Variants in LRP12 observed in about 807,000 individuals in gnomAD.
The protein encoded by LRP12 is low-density lipoprotein receptor-related protein 12.
In LRP12, 14 loss-of-function variants were observed where a neutral mutation model predicts 66.0. The observed-to-expected ratio is 0.21, with a 90% confidence interval of 0.14 to 0.33. The LOEUF is 0.33. LRP12 is among the 10% of genes least tolerant of loss of function. The probability of loss-of-function intolerance (pLI) is 1.00; values close to 1 mark genes in which losing one functional copy is unlikely to be tolerated. For missense variants in LRP12, 889 were observed against 1,053.4 expected, an observed-to-expected ratio of 0.84 and a Z score of 2.16; for synonymous variants, 357 against 359.1, an observed-to-expected ratio of 0.99 and a Z score of 0.07.
At chr8:104,510,952 G>A (rs1207545158) in intron 2 of LRP12, among the ~76,000 whole-genome samples, 1 of 148,450 alleles carries the variant, frequency 6.7e-6, no homozygotes, top group African/African-American at 2.5e-5. Context: ...TGCTTTTTAA[G>A]TTCTGCTGTA....
At chr8:104,513,705 T>G (rs1275277167) in intron 2 of LRP12, among the ~76,000 whole-genome samples, 2 of 152,166 alleles carry the variant, frequency 1.3e-5, no homozygotes, top group Non-Finnish European at 2.9e-5. Flanking sequence ...AACTCTATTC[T>G]GTGTTAATTT....
At chr8:104,507,814 A>G (rs1310403806) in intron 3 of LRP12, 1 of 152,170 alleles carries the variant, frequency 6.6e-6, no homozygotes, top group East Asian at 1.9e-4. Context: ...AAATAAAAGG[A>G]AAACAAACTA....
intron 1 of LRP12, among the ~76,000 whole-genome samples, chr8:104,548,366 TAAATATATTATATA>T: frequency 3.7e-5 from 3 of 80,612 alleles, no homozygotes; most frequent in African/African-American, 2.1e-4. Context: ...ATATATTATA[TAAATATATTATATA>T]AATATATAAT....
At chr8:104,536,311 C>T (rs920311814) in intron 1 of LRP12, among the ~76,000 whole-genome samples, 1 of 152,034 alleles carries the variant, frequency 6.6e-6, no homozygotes, top group African/African-American at 2.4e-5. Context: ...TCTCTTGATT[C>T]TCCCATACTA....
At chr8:104,533,693 T>C (rs1200060242) in intron 1 of LRP12, among the ~76,000 whole-genome samples, 2 of 152,016 alleles carry the variant, frequency 1.3e-5, no homozygotes, top group Non-Finnish European at 2.9e-5. Context: ...TTTACTTTTT[T>C]AAAAAAGAGA....
chr8:104,499,378 C>A lies in LRP12; in HGVS notation c.414G>T (p.Trp138Cys). The A allele has an allele frequency of 6.2e-7, 1 of 1,613,816 alleles. No individual in the cohort carries two copies. Among genetic ancestry groups the A allele is most frequent in the Non-Finnish European group, 8.5e-7 (1 of 1,179,838 alleles). Reference sequence around the variant, plus strand: ...TGTTGTCATCCGAATGAAACCTAATCCAGATGTGGTCTTGTGAAGAGATAT... The same window carrying A: ...TGTTGTCATCCGAATGAAACCTAATACAGATGTGGTCTTGTGAAGAGATAT... ...PPYISSQDHI[W>C]IRFHSDDNIS... is the part of the protein sequence containing the mutation. The change falls in exon 4 of 7, where the codon TGG becomes TGT. Residue 138 changes from tryptophan (W) to cysteine (C), a missense_variant. This residue lies in a region of LRP12 where 800 missense variants were observed against 964.5 expected (regional missense o/e 0.83). Transcript: ENST00000276654.
intron 1 of LRP12, among the ~76,000 whole-genome samples, chr8:104,547,555 T>C (rs1290372633): frequency 7.8e-6 from 1 of 127,626 alleles, no homozygotes; most frequent in African/African-American, 2.9e-5. Flanking sequence ...TATAATTACA[T>C]ATTATATATT....
chr8:104,526,232 A>G lies in LRP12; in HGVS notation c.136+5675T>C, dbSNP rs866190683. Among the ~76,000 whole-genome samples, 502 of 152,122 alleles carry G rather than the reference A, an allele frequency of 3.3e-3. 3 individuals are homozygous for G. Among genetic ancestry groups the G allele is most frequent in the African/African-American group, 0.011 (459 of 41,490 alleles). ...CCATGCTCATGGGTAGGAAGAATCA[A>G]TATCATGAAAATGGCCATACTGCCC... is the stretch of plus-strand genomic sequence containing the variant. On this transcript the variant is annotated intron_variant, in intron 2 of 6. Coordinates refer to ENST00000276654, the MANE Select transcript of LRP12 (RefSeq NM_013437.5).
intron 3 of LRP12, among the ~76,000 whole-genome samples, chr8:104,503,971 A>T (rs1020158164): frequency 2.0e-5 from 3 of 152,136 alleles, no homozygotes; most frequent in African/African-American, 7.2e-5. Context: ...TACCAGGTTA[A>T]GGAAATTCCT....
At chr8:104,547,356 T>C (rs1038019821) in intron 1 of LRP12, among the ~76,000 whole-genome samples, 2 of 115,138 alleles carry the variant, frequency 1.7e-5, no homozygotes, top group Non-Finnish European at 3.5e-5. Context: ...CTGTTATATT[T>C]TGTATATAAT....
At chr8:104,588,223 T>C (rs1352074040) in intron 1 of LRP12, among the ~76,000 whole-genome samples, 1 of 152,192 alleles carries the variant, frequency 6.6e-6, no homozygotes, top group East Asian at 1.9e-4. Flanking sequence ...TCTGGCCTTC[T>C]CCCGCGTGCT....
Position 104,490,773 on chromosome 8 carries a change from T to G in LRP12, c.2480A>C (p.Glu827Ala). 1 of 1,614,090 alleles carries G rather than the reference T, an allele frequency of 6.2e-7. No homozygotes were observed. The highest frequency in any genetic ancestry group is 1.6e-4 in the Middle Eastern group (1 of 6,062). ...VRPSNRDGPC[E>A]RCGIVHTAQI... ...GGCAGTGTGGACAATACCACAGCGC[T>G]CACAGGGGCCATCTCGATTACTTGG... The change falls in exon 7 of 7, where the codon GAG (glutamate) becomes GCG (alanine). Residue 827 changes from glutamate to alanine, a missense_variant. Around this residue, in one of 3 missense-constraint regions of LRP12, gnomAD observed 800 missense variants for 964.5 expected, o/e 0.83. Coordinates refer to ENST00000276654, the MANE Select transcript of LRP12 (RefSeq NM_013437.5).
intron 1 of LRP12, among the ~76,000 whole-genome samples, chr8:104,579,517 C>T (rs757175039): frequency 2.0e-5 from 3 of 152,168 alleles, no homozygotes; most frequent in Non-Finnish European, 4.4e-5. Context: ...AACCAATTTA[C>T]AGATTCAATG....
chr8:104,531,305 T>C (rs1811321713), intron 2 of LRP12, among the ~76,000 whole-genome samples: 1 of 152,108 alleles, frequency 6.6e-6, no homozygotes, highest in African/African-American at 2.4e-5. Flanking sequence ...GCTGTGGAAG[T>C]GGCCTAAGAA....
intron 1 of LRP12, among the ~76,000 whole-genome samples, chr8:104,548,130 T>C (rs1228947591): frequency 2.7e-4 from 26 of 97,588 alleles, no homozygotes; most frequent in African/African-American, 1.3e-3. Flanking sequence ...GTATATAATA[T>C]ATAATTATAA....
intron 1 of LRP12, among the ~76,000 whole-genome samples, chr8:104,563,362 TATGG>T (rs1811945046): frequency 6.6e-6 from 1 of 152,136 alleles, no homozygotes; most frequent in South Asian, 2.1e-4. Context: ...AAACTTCAGA[TATGG>T]TAAATAAGTT....
intron 1 of LRP12, among the ~76,000 whole-genome samples, chr8:104,560,952 T>C (rs1254649439): frequency 6.6e-6 from 1 of 152,158 alleles, no homozygotes; most frequent in Non-Finnish European, 1.5e-5. Context: ...GTGTTGCTTC[T>C]TTCTGATGTC....
chr8:104,520,483 G>A (rs1035366095), intron 2 of LRP12, among the ~76,000 whole-genome samples: 2 of 152,026 alleles, frequency 1.3e-5, no homozygotes, highest in African/African-American at 4.8e-5. Context: ...TGGAGCTCAC[G>A]ATTTTGTAGG....
chr8:104,515,537 G>T (rs967824086), intron 2 of LRP12, among the ~76,000 whole-genome samples: 5 of 152,018 alleles, frequency 3.3e-5, no homozygotes, highest in African/African-American at 1.2e-4. Context: ...AGCTATCTTG[G>T]GAAGGTGCAA....
Sources: gnomAD v4.1 joint callset for allele counts (sites outside exome capture counted in the v4.1 genomes callset) on GRCh38, gnomAD v4.1.1 for gene constraint, gnomAD v4.1.1 regional missense constraint, MANE v1.5 for transcripts, NCBI Gene and HGNC (gene_info 2026-07-23, HGNC 2026-07-21) for gene names.